Variants in ATP10B observed in about 807,000 individuals in gnomAD.
ATP10B encodes phospholipid-transporting ATPase VB.
Under a neutral mutation model 141.2 loss-of-function variants are expected in ATP10B, and 122 were observed. That is an observed-to-expected ratio of 0.86 (90% CI 0.75 to 1.00). ATP10B has a LOEUF of 1.00. Ranked by LOEUF, ATP10B falls within the 50% of genes least tolerant of loss-of-function variation. The probability of loss-of-function intolerance (pLI) is 0.00; values close to 1 mark genes in which losing one functional copy is unlikely to be tolerated. For missense variants in ATP10B, 1,876 were observed against 1,825.3 expected (o/e 1.03, Z -0.51); for synonymous variants, 685 against 692.0 (o/e 0.99, Z 0.16).
intron 8 of ATP10B, among the ~76,000 whole-genome samples, chr5:160,645,546 T>C (rs919617933): frequency 6.6e-6 from 1 of 152,188 alleles, no homozygotes; most frequent in Non-Finnish European, 1.5e-5. Flanking sequence ...ATCCTAAAAG[T>C]AGAGATAGTT....
At chr5:160,732,155 T>A (rs1173382183) in intron 2 of ATP10B, among the ~76,000 whole-genome samples, 2 of 152,064 alleles carry the variant, frequency 1.3e-5, no homozygotes, top group African/African-American at 4.8e-5. Flanking sequence ...AATGAAAAGA[T>A]TAAAAATATC....
chr5:160,894,053 A>G, the ATP10B span, among the ~76,000 whole-genome samples: 2 of 152,316 alleles, frequency 1.3e-5, no homozygotes, highest in South Asian at 4.1e-4. Flanking sequence ...ACCAACATCA[A>G]AGACAAAAGG....
intron 24 of ATP10B, among the ~76,000 whole-genome samples, chr5:160,575,407 T>A (rs1755128766): frequency 6.6e-6 from 1 of 152,148 alleles, no homozygotes. Flanking sequence ...AATACTGGAA[T>A]ACTCTCACCC....
At chr5:160,611,127 T>C (rs1757696724) in intron 18 of ATP10B, among the ~76,000 whole-genome samples, 1 of 152,188 alleles carries the variant, frequency 6.6e-6, no homozygotes, top group Admixed American at 6.5e-5. Flanking sequence ...CTTACAGGTT[T>C]AGTGAGCCCA....
the ATP10B span, among the ~76,000 whole-genome samples, chr5:160,915,396 A>G: frequency 6.7e-6 from 1 of 149,700 alleles, no homozygotes; most frequent in African/African-American, 2.5e-5. Context: ...CAGTGGTGTG[A>G]TCTCGGCTCA....
In ATP10B at chr5:160,620,362, C is replaced by G. The variant is rs761756926; in HGVS notation, c.2401G>C (p.Glu801Gln). 5.0e-6 allele frequency: 8 copies of G among 1,610,458 alleles called. No individual in the cohort carries two copies. The highest frequency in any genetic ancestry group is 5.9e-6 in the Non-Finnish European group (7 of 1,177,928). Residue 801 changes from glutamate (E) to glutamine (Q), a missense_variant, in exon 15 of 26, where the codon GAA becomes CAA. By Grantham distance (29) the Glu-to-Gln change is conservative. Transcript: ENST00000327245. Reference sequence around the variant, plus strand: ...CAGGACTCACCGCAGGCTGGGTCTTCCAGCAGGTCCATGATGACCGAGTCA... The same window carrying G: ...CAGGACTCACCGCAGGCTGGGTCTTGCAGCAGGTCCATGATGACCGAGTCA... The part of the protein sequence containing the change: ...GADSVIMDLL[E>Q]DPACVPDINM...
chr5:160,888,646 G>C, the ATP10B span, among the ~76,000 whole-genome samples: 2 of 152,174 alleles, frequency 1.3e-5, no homozygotes, highest in African/African-American at 2.4e-5. Flanking sequence ...TGTAGACTGC[G>C]AAGCAATTCC....
intron 2 of ATP10B, among the ~76,000 whole-genome samples, chr5:160,725,538 C>T (rs548636481): frequency 5.2e-4 from 79 of 152,174 alleles, no homozygotes; most frequent in Non-Finnish European, 8.5e-4. Context: ...CTCCGCCTCC[C>T]GGGTTCATGC....
intron 3 of ATP10B, among the ~76,000 whole-genome samples, chr5:160,712,446 G>T (rs1765407184): frequency 2.2e-4 from 1 of 4,620 alleles, no homozygotes; most frequent in Non-Finnish European, 3.5e-4. Context: ...ATTTCTGTGG[G>T]ATCGGTGGTG....
chr5:160,607,410 G>A (rs1757455864), intron 18 of ATP10B, among the ~76,000 whole-genome samples: 1 of 152,204 alleles, frequency 6.6e-6, no homozygotes, highest in Non-Finnish European at 1.5e-5. Flanking sequence ...AATACGTCAT[G>A]CTGGTATGGT....
intron 18 of ATP10B, among the ~76,000 whole-genome samples, chr5:160,607,552 A>T (rs1303110671): frequency 6.6e-6 from 1 of 152,176 alleles, no homozygotes; most frequent in Non-Finnish European, 1.5e-5. Flanking sequence ...CTCACCCAAG[A>T]TCATCCAAAC....
At chr5:160,832,606 C>A (rs1338651999) in intron 1 of ATP10B, among the ~76,000 whole-genome samples, 1 of 152,054 alleles carries the variant, frequency 6.6e-6, no homozygotes, top group South Asian at 2.1e-4. Flanking sequence ...TACTGTATAA[C>A]CTGTGCTTCT....
At chr5:160,752,902 T>G (rs1768256077) in intron 2 of ATP10B, among the ~76,000 whole-genome samples, 1 of 152,200 alleles carries the variant, frequency 6.6e-6, no homozygotes, top group African/African-American at 2.4e-5. Flanking sequence ...TTTGGTTGGA[T>G]AGCCAAACTT....
At chr5:160,885,227 G>A in the ATP10B span, among the ~76,000 whole-genome samples, 1 of 152,250 alleles carries the variant, frequency 6.6e-6, no homozygotes, top group African/African-American at 2.4e-5. Flanking sequence ...AGGGAGAATT[G>A]CAGAGCTCTG....
chr5:160,874,723 A>C, the ATP10B span, among the ~76,000 whole-genome samples: 1 of 152,186 alleles, frequency 6.6e-6, no homozygotes, highest in Non-Finnish European at 1.5e-5. Context: ...AGGCTCCAGA[A>C]CTACGTGAAG....
At chr5:160,602,819 C>CT in intron 20 of ATP10B, 117 bp from the exon 21 acceptor site, 1 of 1,414,302 alleles carries the variant, frequency 7.1e-7, no homozygotes, top group South Asian at 1.3e-5. Context: ...CTAAAGACCC[C>CT]TTGTTGTGGT....
At chr5:160,730,447 A>G (rs1170542062) in intron 2 of ATP10B, among the ~76,000 whole-genome samples, 1 of 152,042 alleles carries the variant, frequency 6.6e-6, no homozygotes, top group Non-Finnish European at 1.5e-5. Context: ...TTGGCCTCCT[A>G]ATGTGCTTCC....
At chr5:160,785,518 G>A (rs1178783696) in intron 2 of ATP10B, 41 bp downstream of exon 2, 1 of 475,074 alleles carries the variant, frequency 2.1e-6, no homozygotes, top group South Asian at 1.6e-5. Flanking sequence ...CTGAGGTTTG[G>A]GCTTCTAATG....
chr5:160,898,856 G>A, the ATP10B span, among the ~76,000 whole-genome samples: 2 of 152,162 alleles, frequency 1.3e-5, no homozygotes, highest in African/African-American at 4.8e-5. Flanking sequence ...GGACATGGAT[G>A]AAGCTGGAAA....
Sources: allele counts gnomAD v4.1 joint callset (sites outside exome capture counted in the v4.1 genomes callset), GRCh38; gene constraint gnomAD v4.1.1; transcripts MANE v1.5; gene names NCBI Gene and HGNC (gene_info 2026-07-23, HGNC 2026-07-21).